Variants in UGT1A10 observed in about 807,000 individuals in gnomAD.
UGT1A10 encodes the protein UDP-glucuronosyltransferase 1A10.
In UGT1A10, 49 loss-of-function variants were observed where a neutral mutation model predicts 45.8. The ratio of observed to expected loss-of-function variants is 1.07; its 90% confidence interval spans 0.85 to 1.36. UGT1A10 has a LOEUF of 1.36. Among genes scored for constraint, UGT1A10 ranks in the 40% most tolerant of loss-of-function variants. UGT1A10 has a pLI of 0.00. For missense variants in UGT1A10, 745 were observed against 668.6 expected (o/e 1.11, Z -1.26); for synonymous variants, 284 against 249.7 (o/e 1.14, Z -1.29).
chr2:233,636,762 G>T lies in UGT1A10; in HGVS notation c.240G>T (p.Ser80=), dbSNP rs201300142. ...GCACAGTGAAGACTTACTCAACCTCGTACACTCTGGAAGATCAGAACCGGG... is the reference window on the plus strand; with the variant it reads ...GCACAGTGAAGACTTACTCAACCTCTTACACTCTGGAAGATCAGAACCGGG... ...LNCTVKTYST[S]YTLEDQNREF... Residue 80 remains serine (S), a synonymous_variant, in exon 1 of 5, where the codon TCG becomes TCT. Transcript: ENST00000344644. The T allele has an allele frequency of 1.9e-6, 3 of 1,614,126 alleles. No individual in the cohort carries two copies. Among genetic ancestry groups the T allele is most frequent in the Non-Finnish European group, 2.5e-6 (3 of 1,180,018 alleles).
At chr2:233,729,527 A>T in intron 1 of UGT1A10, 1 of 1,614,206 alleles carries the variant, frequency 6.2e-7, no homozygotes, top group Non-Finnish European at 8.5e-7. Context: ...CTACTACATA[A>T]TGAGGCCCTG....
chr2:233,755,496 C>G (rs1460614171), intron 1 of UGT1A10: 1 of 187,824 alleles, frequency 5.3e-6, no homozygotes, highest in African/African-American at 2.4e-5. Context: ...TGTGATGCTC[C>G]AAGACCAGGC....
chr2:233,678,020 A>G (rs891256080), intron 1 of UGT1A10, among the ~76,000 whole-genome samples: 3 of 152,180 alleles, frequency 2.0e-5, no homozygotes, highest in African/African-American at 7.2e-5. Flanking sequence ...CTTTGTAACA[A>G]CATGGATGCA....
intron 1 of UGT1A10, among the ~76,000 whole-genome samples, chr2:233,706,871 C>A (rs186503307): frequency 1.3e-5 from 2 of 152,324 alleles, no homozygotes; most frequent in East Asian, 3.9e-4. Flanking sequence ...CTAGACCTGG[C>A]ACTTCCCAGC....
intron 1 of UGT1A10, among the ~76,000 whole-genome samples, chr2:233,677,328 T>C (rs922470813): frequency 6.6e-6 from 1 of 152,144 alleles, no homozygotes; most frequent in African/African-American, 2.4e-5. Flanking sequence ...TCATTGCTAG[T>C]ATAGTTGACC....
At chr2:233,732,848 A>G (rs1171011908) in intron 1 of UGT1A10, among the ~76,000 whole-genome samples, 1 of 145,490 alleles carries the variant, frequency 6.9e-6, no homozygotes, top group African/African-American at 2.6e-5. Context: ...CAATTTTGTG[A>G]AGTCATTGGT....
intron 1 of UGT1A10, chr2:233,718,760 G>A (rs1384235813): frequency 3.7e-6 from 6 of 1,612,482 alleles, no homozygotes; most frequent in African/African-American, 1.3e-5. Flanking sequence ...TAAGGCGAAG[G>A]AAACAAATGT....
intron 1 of UGT1A10, among the ~76,000 whole-genome samples, chr2:233,671,200 C>T (rs1028687525): frequency 1.9e-4 from 29 of 152,206 alleles, no homozygotes; most frequent in Non-Finnish European, 1.2e-4. Context: ...TGAGCGGTCA[C>T]TGAGAGGCAG....
chr2:233,768,143 G>A lies in UGT1A10; in HGVS notation c.1076-77G>A, dbSNP rs995477416. ...GTGAGTAACACTGAGTCTTTGGAGTGTTTTCAGAACCTAGATGTGTCCAGC... is the reference window on the plus strand; with the variant it reads ...GTGAGTAACACTGAGTCTTTGGAGTATTTTCAGAACCTAGATGTGTCCAGC... On this transcript the variant is annotated intron_variant, in intron 3 of 4. Coordinates refer to ENST00000344644, the MANE Select transcript of UGT1A10 (RefSeq NM_019075.4). 1.6e-5 allele frequency: 26 copies of A among 1,610,468 alleles called. No homozygotes were observed. In the African/African-American group the frequency reaches 3.5e-4, roughly 22 times the overall value.
intron 1 of UGT1A10, among the ~76,000 whole-genome samples, chr2:233,659,864 A>G (rs1475775203): frequency 3.3e-5 from 5 of 152,144 alleles, no homozygotes; most frequent in Admixed American, 3.3e-4. Flanking sequence ...TCTAATGTCA[A>G]TTTATTTTCT....
intron 1 of UGT1A10, chr2:233,747,293 A>C (rs1693613348): frequency 3.7e-6 from 6 of 1,600,642 alleles, no homozygotes; most frequent in Non-Finnish European, 5.1e-6. Context: ...CCCTGGGCTG[A>C]GAGTGGGAAG....
intron 1 of UGT1A10, among the ~76,000 whole-genome samples, chr2:233,642,121 A>T (rs1277529283): frequency 6.6e-6 from 1 of 152,026 alleles, no homozygotes; most frequent in East Asian, 1.9e-4. Context: ...CTCTACCTCC[A>T]CTTTATGGGC....
At chr2:233,747,276 T>C in intron 1 of UGT1A10, 1 of 1,598,748 alleles carries the variant, frequency 6.3e-7, no homozygotes, top group Non-Finnish European at 8.5e-7. Context: ...TCCTTCTCAG[T>C]GCCCAGCCCT....
chr2:233,757,238 G>C (rs191269433), intron 1 of UGT1A10, among the ~76,000 whole-genome samples: 1 of 148,984 alleles, frequency 6.7e-6, no homozygotes, highest in East Asian at 2.0e-4. Flanking sequence ...AGAAGTGGTG[G>C]TGAGGTGGGG....
chr2:233,663,024 A>C (rs1264403532), intron 1 of UGT1A10, among the ~76,000 whole-genome samples: 1 of 152,186 alleles, frequency 6.6e-6, no homozygotes, highest in African/African-American at 2.4e-5. Flanking sequence ...TTAGGTGCAC[A>C]GTTCAGTATC....
intron 1 of UGT1A10, among the ~76,000 whole-genome samples, chr2:233,733,368 G>A (rs1157903403): frequency 6.6e-6 from 1 of 152,148 alleles, no homozygotes; most frequent in African/African-American, 2.4e-5. Context: ...GGTGAGAGAG[G>A]TCATCCTTGT....
intron 1 of UGT1A10, among the ~76,000 whole-genome samples, chr2:233,655,774 C>T (rs1230386812): frequency 6.6e-6 from 1 of 152,184 alleles, no homozygotes; most frequent in Non-Finnish European, 1.5e-5. Flanking sequence ...CCTGCAAGAG[C>T]AATGCTAAGT....
intron 1 of UGT1A10, among the ~76,000 whole-genome samples, chr2:233,725,209 CAGAGGCAGAGGA>C (rs2077393142): frequency 1.2e-5 from 1 of 85,868 alleles, no homozygotes; most frequent in East Asian, 2.5e-4. Flanking sequence ...GAGGCAGAGG[CAGAGGCAGAGGA>C]GGCAGAGGCA....
intron 1 of UGT1A10, among the ~76,000 whole-genome samples, chr2:233,667,137 T>C (rs2074096115): frequency 6.6e-6 from 1 of 152,200 alleles, no homozygotes; most frequent in African/African-American, 2.4e-5. Context: ...TATAGCAGCA[T>C]GTTTTACAAT....
Sources: gnomAD v4.1 joint callset for allele counts (sites outside exome capture counted in the v4.1 genomes callset) on GRCh38, gnomAD v4.1.1 for gene constraint, MANE v1.5 for transcripts, NCBI Gene and HGNC (gene_info 2026-07-23, HGNC 2026-07-21) for gene names.